The following SUGCT variants were observed in gnomAD, a reference collection of about 807,000 sequenced individuals.
The protein encoded by SUGCT is succinyl-CoA:glutarate-CoA transferase.
Under a neutral mutation model 55.0 loss-of-function variants are expected in SUGCT, and 41 were observed. The ratio of observed to expected loss-of-function variants is 0.74; its 90% CI spans 0.58 to 0.97. The LOEUF is 0.97. Ranked by LOEUF, SUGCT falls within the 50% of genes least tolerant of loss-of-function variation. SUGCT has a pLI of 0.00. For synonymous variants in SUGCT, 187 were observed against 200.4 expected (o/e 0.93, Z 0.56); for missense variants, 568 against 547.8 (o/e 1.04, Z -0.37).
chr7:40,654,324 G>GAGAA (rs534812324), intron 12 of SUGCT, among the ~76,000 whole-genome samples: 1 of 152,118 alleles, frequency 6.6e-6, no homozygotes, highest in African/African-American at 2.4e-5. Context: ...ATCCTATAAC[G>GAGAA]AGAAAGCTCC....
chr7:40,479,109 TC>T (rs1458905401), intron 11 of SUGCT, among the ~76,000 whole-genome samples: 1 of 152,120 alleles, frequency 6.6e-6, no homozygotes, highest in African/African-American at 2.4e-5. Flanking sequence ...CACCTTATTT[TC>T]TTTATCCATT....
intron 9 of SUGCT, among the ~76,000 whole-genome samples, chr7:40,325,317 C>G (rs1795973694): frequency 6.6e-6 from 1 of 151,672 alleles, no homozygotes; most frequent in African/African-American, 2.4e-5. Context: ...ACCATAGTCA[C>G]ACTAAGGCAC....
At chr7:40,414,229 T>TTTTC (rs1272942205) in intron 9 of SUGCT, among the ~76,000 whole-genome samples, 1 of 152,210 alleles carries the variant, frequency 6.6e-6, no homozygotes, top group East Asian at 1.9e-4. Context: ...GTGGTCTGAA[T>TTTTC]ATACTAAATG....
chr7:41,019,938 A>C, the SUGCT span, among the ~76,000 whole-genome samples: 1 of 152,224 alleles, frequency 6.6e-6, no homozygotes, highest in South Asian at 2.1e-4. Flanking sequence ...CATGAAATGT[A>C]ATTCCTAGCT....
chr7:40,973,611 A>T, the SUGCT span, among the ~76,000 whole-genome samples: 16 of 152,220 alleles, frequency 1.1e-4, no homozygotes, highest in Admixed American at 1.0e-3. Flanking sequence ...CTCCCACGGG[A>T]TAGGACGCTG....
chr7:40,362,923 G>T (rs1464874829), intron 9 of SUGCT, among the ~76,000 whole-genome samples: 1 of 152,076 alleles, frequency 6.6e-6, no homozygotes, highest in Admixed American at 6.6e-5. Flanking sequence ...TTAAAAATCA[G>T]AAGGAAAAAT....
At chr7:40,504,775 T>C (rs909901939) in intron 12 of SUGCT, among the ~76,000 whole-genome samples, 12 of 152,158 alleles carry the variant, frequency 7.9e-5, no homozygotes, top group Non-Finnish European at 5.9e-5. Context: ...AAGACTTTTA[T>C]TTTCTAGTGA....
the SUGCT span, among the ~76,000 whole-genome samples, chr7:40,882,523 A>C: frequency 6.6e-6 from 1 of 152,156 alleles, no homozygotes; most frequent in Non-Finnish European, 1.5e-5. Context: ...CAAGATCCCC[A>C]CTGTCATTAA....
At chr7:40,997,817 G>A in the SUGCT span, among the ~76,000 whole-genome samples, 2 of 152,340 alleles carry the variant, frequency 1.3e-5, no homozygotes, top group Non-Finnish European at 2.9e-5. Context: ...TTGAATGGGA[G>A]TGATAAGCCT....
At chr7:40,418,860 G>C (rs971927226) in intron 9 of SUGCT, among the ~76,000 whole-genome samples, 6 of 152,124 alleles carry the variant, frequency 3.9e-5, no homozygotes, top group African/African-American at 1.4e-4. Flanking sequence ...TTCTAGGATA[G>C]TGAAAATAAG....
chr7:40,686,879 C>G (rs1784492004), intron 12 of SUGCT, among the ~76,000 whole-genome samples: 1 of 152,140 alleles, frequency 6.6e-6, no homozygotes, highest in Non-Finnish European at 1.5e-5. Flanking sequence ...TTCAAAACCT[C>G]TAGAAGCTGG....
chr7:40,673,644 C>T (rs1357669594), intron 12 of SUGCT, among the ~76,000 whole-genome samples: 2 of 152,178 alleles, frequency 1.3e-5, no homozygotes, highest in East Asian at 3.8e-4. Flanking sequence ...TAAAATGTCT[C>T]TGACTGAAGT....
intron 13 of SUGCT, among the ~76,000 whole-genome samples, chr7:40,849,871 T>C (rs1318299764): frequency 6.6e-6 from 1 of 152,004 alleles, no homozygotes; most frequent in Non-Finnish European, 1.5e-5. Context: ...CTTCATTCCT[T>C]TCAGGGTGGG....
At chr7:40,706,457 G>C (rs1400271929) in intron 12 of SUGCT, among the ~76,000 whole-genome samples, 1 of 152,194 alleles carries the variant, frequency 6.6e-6, no homozygotes, top group East Asian at 1.9e-4. Flanking sequence ...AGTGAGCCAA[G>C]ATTGTGGCAC....
chr7:40,274,661 C>T lies in SUGCT; in HGVS notation c.720+5C>T. Reference sequence around the variant, plus strand: ...TGTAACCTACTGTCATCCCAGGTAACAATCCAACTAACATTTCAGATAATG... The same window carrying T: ...TGTAACCTACTGTCATCCCAGGTAATAATCCAACTAACATTTCAGATAATG... On this transcript the variant is annotated splice_donor_5th_base_variant and intron_variant, in intron 8 of 13. Transcript: ENST00000335693. 1 of 1,612,746 alleles carries T rather than the reference C, an allele frequency of 6.2e-7. No homozygotes were observed. Among genetic ancestry groups the T allele is most frequent in the Non-Finnish European group, 8.5e-7 (1 of 1,179,004 alleles).
At chr7:40,823,342 G>A (rs918774938) in intron 13 of SUGCT, among the ~76,000 whole-genome samples, 7 of 151,992 alleles carry the variant, frequency 4.6e-5, no homozygotes, top group African/African-American at 1.7e-4. Context: ...TAACATCTTA[G>A]GTTAAGACTG....
At chr7:40,753,052 G>A (rs1304705003) in intron 13 of SUGCT, among the ~76,000 whole-genome samples, 1 of 152,106 alleles carries the variant, frequency 6.6e-6, no homozygotes, top group Non-Finnish European at 1.5e-5. Flanking sequence ...CTCATGAGAG[G>A]GGAATGACAA....
intron 9 of SUGCT, among the ~76,000 whole-genome samples, chr7:40,356,781 C>T (rs757891201): frequency 6.6e-6 from 1 of 152,144 alleles, no homozygotes; most frequent in Non-Finnish European, 1.5e-5. Flanking sequence ...GCAGTCTATT[C>T]ATAGAAACTA....
intron 12 of SUGCT, among the ~76,000 whole-genome samples, chr7:40,619,858 C>T (rs1318387103): frequency 6.6e-6 from 1 of 152,122 alleles, no homozygotes; most frequent in East Asian, 1.9e-4. Context: ...GTTTCCTTGT[C>T]GTATTACTTT....
Sources: gnomAD v4.1 joint callset for allele counts (sites outside exome capture counted in the v4.1 genomes callset) on GRCh38, gnomAD v4.1.1 for gene constraint, MANE v1.5 for transcripts, NCBI Gene and HGNC (gene_info 2026-07-23, HGNC 2026-07-21) for gene names.